Variants in APBB2 observed in about 807,000 individuals in gnomAD.
APBB2 encodes the protein Fe65-like 1.
A neutral mutation model predicts 82.5 loss-of-function variants in APBB2; 38 were observed. The ratio of observed to expected loss-of-function variants is 0.46; its 90% confidence interval spans 0.36 to 0.60. The LOEUF (loss-of-function observed/expected upper bound fraction) is 0.60. Ranked by LOEUF, APBB2 falls within the 20% of genes least tolerant of loss-of-function variation. The pLI is 0.00. For synonymous variants in APBB2, 341 were observed against 368.2 expected, an observed-to-expected ratio of 0.93 and a Z score of 0.85; for missense variants, 772 against 972.3, an observed-to-expected ratio of 0.79 and a Z score of 2.74.
At chr4:40,982,037 T>C (rs939001800) in intron 6 of APBB2, among the ~76,000 whole-genome samples, 2 of 150,040 alleles carry the variant, frequency 1.3e-5, no homozygotes, top group Non-Finnish European at 3.0e-5. Context: ...ATACAAAAAT[T>C]AGTTGGGCGT....
chr4:41,008,551 G>A (rs10517553), intron 6 of APBB2, among the ~76,000 whole-genome samples: 1 of 152,072 alleles, frequency 6.6e-6, no homozygotes, highest in Non-Finnish European at 1.5e-5. Context: ...CCAGAAAGTC[G>A]TAACTCAGAG....
intron 6 of APBB2, among the ~76,000 whole-genome samples, chr4:40,993,646 C>T (rs1220793377): frequency 1.3e-5 from 2 of 152,030 alleles, no homozygotes; most frequent in African/African-American, 2.4e-5. Flanking sequence ...CCTCAACCTC[C>T]CAAAGTGCTG....
chr4:40,919,689 G>A (rs564615471), intron 10 of APBB2, among the ~76,000 whole-genome samples: 17 of 152,264 alleles, frequency 1.1e-4, no homozygotes, highest in African/African-American at 4.1e-4. Flanking sequence ...CAGGACTGCT[G>A]GGACCCATTA....
chr4:41,162,749 G>A (rs1313457546), intron 1 of APBB2, among the ~76,000 whole-genome samples: 1 of 152,162 alleles, frequency 6.6e-6, no homozygotes, highest in African/African-American at 2.4e-5. Flanking sequence ...CCAGCACTCA[G>A]GAGGCTGAGG....
At chr4:40,909,102 G>C (rs549321303) in intron 10 of APBB2, among the ~76,000 whole-genome samples, 2 of 152,236 alleles carry the variant, frequency 1.3e-5, no homozygotes, top group Non-Finnish European at 2.9e-5. Flanking sequence ...CAGTGGCCCT[G>C]CTCTTGCCCT....
intron 6 of APBB2, among the ~76,000 whole-genome samples, chr4:40,987,059 T>C (rs1800594262): frequency 6.6e-6 from 1 of 152,154 alleles, no homozygotes; most frequent in South Asian, 2.1e-4. Flanking sequence ...GGACATTTCT[T>C]TTTGCACAGT....
At chr4:40,825,787 G>GT (rs1749709852) in intron 15 of APBB2, 100 bp downstream of exon 15, 2 of 853,888 alleles carry the variant, frequency 2.3e-6, no homozygotes, top group African/African-American at 1.7e-5. Context: ...AAGACAAGGC[G>GT]TGAGAGTAAA....
At chr4:41,158,692 T>C (rs1213115568) in intron 1 of APBB2, among the ~76,000 whole-genome samples, 1 of 152,224 alleles carries the variant, frequency 6.6e-6, no homozygotes, top group Admixed American at 6.5e-5. Context: ...GCAACCTGTA[T>C]GCTGCTGCCT....
intron 17 of APBB2, among the ~76,000 whole-genome samples, chr4:40,817,390 C>T (rs368747915): frequency 1.4e-3 from 216 of 152,040 alleles, no homozygotes; most frequent in South Asian, 4.8e-3. Context: ...GCCTGGGCGA[C>T]GGAGTGAACC....
chr4:40,866,721 T>C (rs1349049330), intron 12 of APBB2, among the ~76,000 whole-genome samples: 1 of 152,146 alleles, frequency 6.6e-6, no homozygotes, highest in East Asian at 1.9e-4. Context: ...CCTTTTATTA[T>C]TTTATTTTAT....
chr4:40,928,118 G>A (rs1188937187), intron 10 of APBB2, among the ~76,000 whole-genome samples: 5 of 152,158 alleles, frequency 3.3e-5, no homozygotes, highest in Admixed American at 2.0e-4. Context: ...TAACAAATGC[G>A]GCCTGAAGGG....
intron 2 of APBB2, among the ~76,000 whole-genome samples, chr4:41,103,157 A>G (rs1185849574): frequency 6.6e-6 from 1 of 152,246 alleles, no homozygotes; most frequent in Non-Finnish European, 1.5e-5. Context: ...GTCTTTCACA[A>G]TGTTTACAAT....
chr4:40,919,396 T>C (rs1000816461), intron 10 of APBB2, among the ~76,000 whole-genome samples: 1 of 152,222 alleles, frequency 6.6e-6, no homozygotes, highest in African/African-American at 2.4e-5. Flanking sequence ...ATCAGGTGCA[T>C]TTCTCACGTC....
At chr4:40,876,406 C>A (rs774881544) in intron 12 of APBB2, among the ~76,000 whole-genome samples, 2 of 152,332 alleles carry the variant, frequency 1.3e-5, no homozygotes, top group Non-Finnish European at 2.9e-5. Flanking sequence ...TCTGTCACTA[C>A]AAATTAGTTT....
intron 3 of APBB2, among the ~76,000 whole-genome samples, chr4:41,081,743 T>C (rs990842216): frequency 6.6e-6 from 1 of 152,202 alleles, no homozygotes; most frequent in Non-Finnish European, 1.5e-5. Flanking sequence ...TCTATGGGAT[T>C]ATATAATCTT....
At chr4:40,914,591 T>C (rs547141232) in intron 10 of APBB2, among the ~76,000 whole-genome samples, 1 of 152,110 alleles carries the variant, frequency 6.6e-6, no homozygotes, top group South Asian at 2.1e-4. Flanking sequence ...GACAGACAGA[T>C]AGATAAACAA....
chr4:41,152,659 T>G (rs1414036292), intron 1 of APBB2, among the ~76,000 whole-genome samples: 1 of 152,192 alleles, frequency 6.6e-6, no homozygotes, highest in African/African-American at 2.4e-5. Context: ...GCACTGCTGA[T>G]GGCTTGTTTT....
chr4:40,874,190 T>C (rs907607540), intron 12 of APBB2, among the ~76,000 whole-genome samples: 1 of 152,248 alleles, frequency 6.6e-6, no homozygotes, highest in South Asian at 2.1e-4. Flanking sequence ...ATTACTGCAA[T>C]TGCAGGTTTA....
At chr4:41,058,955 G>C (rs2153874367) in intron 4 of APBB2, among the ~76,000 whole-genome samples, 1 of 152,168 alleles carries the variant, frequency 6.6e-6, no homozygotes, top group Admixed American at 6.5e-5. Flanking sequence ...AGAACTTAAA[G>C]TCAGATGAGA....
Sources: allele counts gnomAD v4.1 joint callset (sites outside exome capture counted in the v4.1 genomes callset), GRCh38; gene constraint gnomAD v4.1.1; transcripts MANE v1.5; gene names NCBI Gene and HGNC (gene_info 2026-07-23, HGNC 2026-07-21).